Variants in NCOR1 observed in about 807,000 individuals in gnomAD.
NCOR1 encodes the protein protein phosphatase 1, regulatory subunit 109.
Under a neutral mutation model 288.1 loss-of-function variants are expected in NCOR1, and 63 were observed. That is an observed-to-expected ratio of 0.22 (90% CI 0.18 to 0.27). The LOEUF (loss-of-function observed/expected upper bound fraction) is 0.27. NCOR1 is among the 10% of genes least tolerant of loss of function. The pLI is 1.00. For missense variants in NCOR1, 2,397 were observed against 3,019.2 expected, an observed-to-expected ratio of 0.79 and a Z score of 4.83; for synonymous variants, 1,007 against 1,065.9, an observed-to-expected ratio of 0.94 and a Z score of 1.08.
chr17:16,158,812 G>A lies in NCOR1; in HGVS notation c.680C>T (p.Pro227Leu), dbSNP rs2153417963. The change falls in exon 6 of 46, where the codon CCT becomes CTT. Residue 227 changes from proline to leucine, a missense_variant. Coordinates refer to ENST00000268712, the MANE Select transcript of NCOR1 (RefSeq NM_006311.4). ...PEPEKPVSPP[P>L]VEQKHRSIVQ... ...AATACTGCGGTGTTTCTGCTCCACA[G>A]GAGGAGGGGACACGGGCTTCTCAGG... 1.2e-6 allele frequency: 2 copies of A among 1,614,118 alleles called. No individual in the cohort carries two copies. Among genetic ancestry groups the A allele is most frequent in the Non-Finnish European group, 1.7e-6 (2 of 1,180,010 alleles).
chr17:16,102,836 C>T (rs1462900521), intron 19 of NCOR1, among the ~76,000 whole-genome samples: 3 of 152,228 alleles, frequency 2.0e-5, no homozygotes, highest in East Asian at 3.9e-4. Flanking sequence ...TCAGGTGATC[C>T]GCCTGCCTTG....
At chr17:16,164,136 G>A (rs1036351554) in intron 5 of NCOR1, among the ~76,000 whole-genome samples, 17 of 151,906 alleles carry the variant, frequency 1.1e-4, no homozygotes, top group Non-Finnish European at 2.9e-5. Flanking sequence ...AGCTACTCGG[G>A]AGGCTGTTGC....
intron 44 of NCOR1, among the ~76,000 whole-genome samples, chr17:16,038,030 T>C (rs1254073669): frequency 1.3e-5 from 2 of 152,052 alleles, no homozygotes. Context: ...AATTGGAAGG[T>C]AAGAACAGAA....
chr17:16,201,978 G>A (rs2090873520), intron 1 of NCOR1, among the ~76,000 whole-genome samples: 1 of 152,142 alleles, frequency 6.6e-6, no homozygotes, highest in Admixed American at 6.5e-5. Flanking sequence ...TGTCATTCCA[G>A]CACTTTGGGA....
rs762689014 is a variant in NCOR1 at position 16,070,355 on chromosome 17, G to T, written c.4323C>A (p.Gly1441=). Residue 1441 remains glycine, a synonymous_variant, in exon 31 of 46, where the codon GGC becomes GGA. Coordinates refer to ENST00000268712, the MANE Select transcript of NCOR1 (RefSeq NM_006311.4). ...ACGTGTGCCGGGAACGCACGGTCTC[G>T]CCTGCTTTCACATCCTCATATTTTC... ...ERGKYEDVKA[G]ETVRSRHTSV... 6 of 1,614,104 alleles carry T rather than the reference G, an allele frequency of 3.7e-6. No homozygotes were observed. The highest frequency in any genetic ancestry group is 5.1e-6 in the Non-Finnish European group (6 of 1,180,010).
At position 16,048,942 on chromosome 17, in the gene NCOR1, A is replaced by G. The variant is rs1319092544; in HGVS notation, c.6439T>C (p.Tyr2147His). The G allele has an allele frequency of 2.5e-6, 4 of 1,613,366 alleles. No individual in the cohort carries two copies. The highest frequency in any genetic ancestry group is 3.4e-6 in the Non-Finnish European group (4 of 1,179,578). The change falls in exon 41 of 46, where the codon TAC (tyrosine) becomes CAC (histidine). Residue 2147 changes from tyrosine (Y) to histidine (H), a missense_variant. Transcript: ENST00000268712. ...ACCTGGGGTGGGGAGATGGGCTCGT[A>G]GGGCTCCGAAGAGACGTGACTCCTC... The part of the protein sequence containing the change: ...PERSHVSSEP[Y>H]EPISPPQVPV...
chr17:16,073,616 A>G (rs1244506365), intron 27 of NCOR1, 47 bp from the exon 28 acceptor site: 2 of 1,477,648 alleles, frequency 1.4e-6, no homozygotes, highest in Non-Finnish European at 1.8e-6. Flanking sequence ...CACATGGTAT[A>G]CAATGTACAG....
intron 41 of NCOR1, 113 bp from the exon 42 acceptor site, chr17:16,047,206 CTG>C: frequency 8.9e-7 from 1 of 1,124,136 alleles, no homozygotes; most frequent in Admixed American, 2.6e-5. Flanking sequence ...CCTCCTCATC[CTG>C]TGTTTGTGGT....
chr17:16,092,691 ATATATTTTTTTTTTTTT>A (rs2065586857), intron 21 of NCOR1, among the ~76,000 whole-genome samples: 1 of 10,854 alleles, frequency 9.2e-5, no homozygotes, highest in South Asian at 6.3e-3. Flanking sequence ...ATATATATAT[ATATATTTTTTTTTTTTT>A]TTTTTTTTAA....
chr17:16,082,773 G>A (rs1348741609), intron 23 of NCOR1, among the ~76,000 whole-genome samples: 1 of 126,482 alleles, frequency 7.9e-6, no homozygotes, highest in South Asian at 2.7e-4. Context: ...ACCAGATAGA[G>A]AACACCAACA....
At chr17:16,035,004 G>A in intron 44 of NCOR1, 60 bp from the exon 45 acceptor site, 1 of 1,505,358 alleles carries the variant, frequency 6.6e-7, no homozygotes, top group South Asian at 1.2e-5. Flanking sequence ...TTACCAAAAT[G>A]CTAATGATTA....
rs1342120134 is a variant in NCOR1 at position 16,108,811 on chromosome 17, T to C, written c.2157A>G (p.Glu719=). ...CTTCGCTGTCTTCTGGATTTTCTTCTTCATTGGAGGCTTCAATATCTTCAT... is the reference window on the plus strand; with the variant it reads ...CTTCGCTGTCTTCTGGATTTTCTTCCTCATTGGAGGCTTCAATATCTTCAT... ...QEDEDIEASN[E]EENPEDSEVE... The change falls in exon 19 of 46, where the codon GAA becomes GAG. Residue 719 remains glutamate, a synonymous_variant. Transcript: ENST00000268712. 6.2e-7 allele frequency: 1 copy of C among 1,601,574 alleles called. No homozygotes were observed. Among genetic ancestry groups the C allele is most frequent in the Non-Finnish European group, 8.5e-7 (1 of 1,174,084 alleles).
chr17:16,184,718 T>A (rs1158703252), intron 3 of NCOR1, among the ~76,000 whole-genome samples: 1 of 152,128 alleles, frequency 6.6e-6, no homozygotes, highest in Non-Finnish European at 1.5e-5. Flanking sequence ...TCTGGATATA[T>A]ACCCAAGGGA....
intron 41 of NCOR1, among the ~76,000 whole-genome samples, chr17:16,048,629 AT>A (rs1567697719): frequency 6.6e-6 from 1 of 152,234 alleles, no homozygotes; most frequent in Non-Finnish European, 1.5e-5. Flanking sequence ...ATGAACAAAT[AT>A]TTTCTAACCT....
intron 18 of NCOR1, among the ~76,000 whole-genome samples, chr17:16,116,658 G>A (rs1023267721): frequency 1.3e-5 from 2 of 152,152 alleles, no homozygotes; most frequent in Non-Finnish European, 2.9e-5. Context: ...GTGCAACTTA[G>A]AACTCGAACA....
chr17:16,151,301 T>C (rs2078832554), intron 8 of NCOR1, among the ~76,000 whole-genome samples: 1 of 152,142 alleles, frequency 6.6e-6, no homozygotes, highest in Non-Finnish European at 1.5e-5. Context: ...TTCCAAAATC[T>C]GCATCCATAA....
rs2061354313 is a variant in NCOR1, at chr17:16,068,269, A to G, written c.4514-148T>C. 8.9e-6 allele frequency: 6 copies of G among 672,088 alleles called. No homozygotes were observed. The South Asian group carries it at 1.2e-4, about 13-fold the overall frequency. The allele number at this position is 672,088 out of a possible 1,614,324, so 41.6% of individuals were successfully genotyped here. ...AACATTTAACATTCAATATTGCAAA[A>G]TATGAAAATGTAAACAACATATGAA... On this transcript the variant is annotated intron_variant, in intron 31 of 45. Transcript: ENST00000268712.
At position 16,186,668 on chromosome 17, in the gene NCOR1, T is replaced by C; in HGVS notation, c.128A>G (p.Tyr43Cys). 6.2e-7 allele frequency: 1 copy of C among 1,613,596 alleles called. No individual in the cohort carries two copies. The highest frequency in any genetic ancestry group is 8.5e-7 in the Non-Finnish European group (1 of 1,179,744). ...RHQQEFAVPD[Y>C]RSSHLEVSQA... is the part of the protein sequence containing the mutation. ...ACTCACTTCAAGATGAGAGGAACGA[T>C]AATCAGGGACTGCGAACTCCTAGTA... The change falls in exon 3 of 46, where the codon TAT becomes TGT. Residue 43 changes from tyrosine to cysteine, a missense_variant. Tyr to Cys is a radical substitution (Grantham distance 194). Coordinates refer to ENST00000268712, the MANE Select transcript of NCOR1 (RefSeq NM_006311.4).
chr17:16,137,660 T>A, intron 13 of NCOR1: 2 of 282,644 alleles, frequency 7.1e-6, no homozygotes, highest in Admixed American at 1.0e-4. Flanking sequence ...ATCAGAAACA[T>A]TCAAATATTT....
Sources: allele counts gnomAD v4.1 joint callset (sites outside exome capture counted in the v4.1 genomes callset), GRCh38; gene constraint gnomAD v4.1.1; transcripts MANE v1.5; gene names NCBI Gene and HGNC (gene_info 2026-07-23, HGNC 2026-07-21).